The following SLC8A2 variants were observed in gnomAD, a reference collection of about 807,000 sequenced individuals.
The protein encoded by SLC8A2 is solute carrier family 8 member A2.
In SLC8A2, 14 loss-of-function variants were observed where a neutral mutation model predicts 70.2. That is an observed-to-expected ratio of 0.20 (90% CI 0.13 to 0.31). The LOEUF (loss-of-function observed/expected upper bound fraction) is 0.31, where lower values mean the gene tolerates loss of function less well. SLC8A2 is among the 10% of genes least tolerant of loss of function. The pLI is 1.00. For synonymous variants in SLC8A2, 575 were observed against 594.3 expected, an observed-to-expected ratio of 0.97 and a Z score of 0.47; for missense variants, 779 against 1,320.1, an observed-to-expected ratio of 0.59 and a Z score of 6.35.
rs201273941 is a variant in SLC8A2, at chr19:47,466,023, C to T, written c.381G>A (p.Thr127=). The T allele has an allele frequency of 1.4e-5, 22 of 1,614,108 alleles. No homozygotes were observed. In the Admixed American group the frequency reaches 1.7e-4, roughly 12 times the overall value. ...SVGTVRIWNE[T]VSNLTLMALG... is the part of the protein sequence containing the mutation. Reference sequence around the variant, plus strand: ...GGGCCATGAGCGTGAGGTTGGACACCGTCTCATTCCAGATGCGAACGGTGC... The same window carrying T: ...GGGCCATGAGCGTGAGGTTGGACACTGTCTCATTCCAGATGCGAACGGTGC... The change falls in exon 2 of 10, where the codon ACG becomes ACA. Residue 127 remains threonine, a synonymous_variant. Coordinates refer to ENST00000236877, the MANE Select transcript of SLC8A2 (RefSeq NM_015063.3). The surrounding 1 kb of genome is among the most constrained non-coding windows in gnomAD (Gnocchi z 6.9).
At chr19:47,470,734 G>A (rs891829564) in intron 1 of SLC8A2, among the ~76,000 whole-genome samples, 21 of 152,226 alleles carry the variant, frequency 1.4e-4, no homozygotes, top group Admixed American at 1.4e-3. Flanking sequence ...GACTGGGGAG[G>A]TTAGATTGAA....
At chr19:47,441,090 G>C (rs1967093891) in intron 6 of SLC8A2, 79 bp downstream of exon 6, 2 of 1,383,148 alleles carry the variant, frequency 1.4e-6, no homozygotes, top group South Asian at 2.3e-5. Context: ...TGGAAGAGTA[G>C]CTTTGGGGCT....
At chr19:47,441,956 G>A (rs1431056265) in intron 4 of SLC8A2, among the ~76,000 whole-genome samples, 1 of 152,070 alleles carries the variant, frequency 6.6e-6, no homozygotes, top group Non-Finnish European at 1.5e-5. Context: ...ACAAAAATTA[G>A]CTGGGTGTGG....
Position 47,429,788 on chromosome 19 carries a change from CCTGGGGAGGGGA to C in SLC8A2, c.*289_*300del, listed in dbSNP as rs1966926340. ...CCAGGATGGTTACTGGGGGTGGTTC[CCTGGGGAGGGGA>C]CTGGGGTGGAAATTTCCCCAGGGAT... On this transcript the variant is annotated 3_prime_UTR_variant, in exon 10 of 10. Coordinates refer to ENST00000236877, the MANE Select transcript of SLC8A2 (RefSeq NM_015063.3). 1.0e-5 allele frequency: 5 copies of C among 483,948 alleles called. No individual in the cohort carries two copies. In the South Asian group the frequency reaches 1.3e-4, roughly 13 times the overall value. The allele number at this position is 483,948 out of a possible 1,614,324, so 30.0% of individuals were successfully genotyped here.
rs1027657862 is a variant in SLC8A2, at chr19:47,432,610, T to C, written c.2111-165A>G. 1.6e-6 allele frequency: 1 copy of C among 606,548 alleles called. No individual in the cohort carries two copies. Among genetic ancestry groups the C allele is most frequent in the Non-Finnish European group, 2.7e-6 (1 of 366,886 alleles). The allele number at this position is 606,548 out of a possible 1,614,324, so 37.6% of individuals were successfully genotyped here. On this transcript the variant is annotated intron_variant, in intron 8 of 9. Transcript: ENST00000236877. This position sits in a 1 kb window ranked among gnomAD's most constrained non-coding sequence, Gnocchi z 6.2. The stretch of plus-strand genomic sequence containing the variant: ...AAGTCAACTGCTAAAAACAGTTACT[T>C]TCCCAGAATCCCTTGAAGCTAGGAG...
rs1252782666 is a variant in SLC8A2, at chr19:47,467,204, A to G, written c.-16-785T>C. ...TAGAGCACTGAAAAGGGAGTGAACT[A>G]TTTGCTGCTGCACCCAGCACATGGA... On this transcript the variant is annotated intron_variant, in intron 1 of 9. Coordinates refer to ENST00000236877, the MANE Select transcript of SLC8A2 (RefSeq NM_015063.3). Among the ~76,000 whole-genome samples, 3 of 152,220 alleles carry G rather than the reference A, an allele frequency of 2.0e-5. No homozygotes were observed. The East Asian group carries it at 5.8e-4, about 29-fold the overall frequency.
Position 47,430,254 on chromosome 19 carries a change from G to A in SLC8A2, c.2601C>T (p.Phe867=). 6.2e-7 allele frequency: 1 copy of A among 1,612,272 alleles called. No individual in the cohort carries two copies. The highest frequency in any genetic ancestry group is 8.5e-7 in the Non-Finnish European group (1 of 1,179,200). The change falls in exon 10 of 10, where the codon TTC becomes TTT. Residue 867 remains phenylalanine, a synonymous_variant. Transcript: ENST00000236877. The surrounding 1 kb of genome is among the most constrained non-coding windows in gnomAD (Gnocchi z 5.9). ...FSVTLFTVFA[F]VGIAVLLYRR... is the part of the protein sequence containing the mutation. ...GGTACAGCAGCACGGCAATGCCCAC[G>A]AAGGCGAAGACGGTGAAGAGCGTGA...
chr19:47,457,754 CTT>C (rs918505174), intron 2 of SLC8A2, among the ~76,000 whole-genome samples, 160 bp from the exon 3 acceptor site: 5 of 141,084 alleles, frequency 3.5e-5, no homozygotes, highest in African/African-American at 1.3e-4. Context: ...TCTTTTCTTT[CTT>C]TCTTTCTTTC....
At chr19:47,462,274 C>G (rs1328636546) in intron 2 of SLC8A2, among the ~76,000 whole-genome samples, 1 of 151,546 alleles carries the variant, frequency 6.6e-6, no homozygotes, top group Non-Finnish European at 1.5e-5. Context: ...TTCTTTCTTT[C>G]TCTTTTTGAG....
rs746815240 is a variant in SLC8A2 at position 47,429,933 on chromosome 19, A to G, written c.*156T>C. 1 of 695,392 alleles carries G rather than the reference A, an allele frequency of 1.4e-6. No homozygotes were observed. The highest frequency in any genetic ancestry group is 1.9e-5 in the South Asian group (1 of 52,488). 43.1% of individuals were successfully genotyped at this position (695,392 alleles called of 1,614,324 possible). On this transcript the variant is annotated 3_prime_UTR_variant, in exon 10 of 10. Coordinates refer to ENST00000236877, the MANE Select transcript of SLC8A2 (RefSeq NM_015063.3). ...GGCTGAGCTACTGGGGACACAGAAC[A>G]GGGCAATCAAAGCCAGGGGAGGGGG...
At position 47,457,809 on chromosome 19, in the gene SLC8A2, T is replaced by C. The variant is rs66867937; in HGVS notation, c.676-215A>G. Among the ~76,000 whole-genome samples the C allele has an allele frequency of 4.0e-3, 494 of 123,392 alleles. 4 individuals are homozygous for C. The highest frequency in any genetic ancestry group is 6.9e-3 in the East Asian group (31 of 4,486). 80.9% of individuals were successfully genotyped at this position (123,392 alleles called of 152,430 possible). On this transcript the variant is annotated intron_variant, in intron 2 of 9. Transcript: ENST00000236877. ...TTCTTTTCTTTTCTCTTCCTTCCTT[T>C]CTTCCTTCTTTCTCTCTCTCTTTCT... is the stretch of plus-strand genomic sequence containing the variant.
intron 8 of SLC8A2, among the ~76,000 whole-genome samples, chr19:47,434,774 T>A (rs1967005382): frequency 6.6e-6 from 1 of 152,174 alleles, no homozygotes; most frequent in Non-Finnish European, 1.5e-5. Flanking sequence ...CCAGCAGCTC[T>A]GTGCTCGCAC....
At chr19:47,439,485 A>T (rs1258082865) in intron 6 of SLC8A2, among the ~76,000 whole-genome samples, 1 of 152,000 alleles carries the variant, frequency 6.6e-6, no homozygotes, top group Non-Finnish European at 1.5e-5. Context: ...ATGAGCCGAG[A>T]TCGCACCATT....
At position 47,447,448 on chromosome 19, in the gene SLC8A2, T is replaced by G. The variant is rs910538245; in HGVS notation, c.1763+361A>C. Reference sequence around the variant, plus strand: ...CCTCTTCTCACCTGTCCGGCCACCCTTCTAGGCCTCGCCTCTTCATTTCAC... The same window carrying G: ...CCTCTTCTCACCTGTCCGGCCACCCGTCTAGGCCTCGCCTCTTCATTTCAC... On this transcript the variant is annotated intron_variant, in intron 4 of 9. Transcript: ENST00000236877. The surrounding 1 kb of genome is among the most constrained non-coding windows in gnomAD (Gnocchi z 5.1). The G allele has an allele frequency of 3.2e-6, 1 of 315,164 alleles. No homozygotes were observed. The highest frequency in any genetic ancestry group is 5.9e-6 in the Non-Finnish European group (1 of 168,550). The allele number at this position is 315,164 out of a possible 1,614,324, so 19.5% of individuals were successfully genotyped here. A position where few individuals can be genotyped will look rare whatever the true frequency, so the allele number is the denominator to read the frequency against.
intron 6 of SLC8A2, among the ~76,000 whole-genome samples, chr19:47,439,164 T>C (rs1967067574): frequency 6.6e-6 from 1 of 152,054 alleles, no homozygotes; most frequent in Non-Finnish European, 1.5e-5. Flanking sequence ...CCTGGCACAG[T>C]GGAGTCACAA....
chr19:47,459,661 CTG>C lies in SLC8A2; in HGVS notation c.676-2069_676-2068del, dbSNP rs753476666. Reference sequence around the variant, plus strand: ...TGTGTCCATCTGTGTGTGTGTCCTTCTGTGTGTGTGCATGTGTGTGTGTGCAT... The same window carrying C: ...TGTGTCCATCTGTGTGTGTGTCCTTCTGTGTGTGCATGTGTGTGTGTGCAT... On this transcript the variant is annotated intron_variant, in intron 2 of 9. Transcript: ENST00000236877. Among the ~76,000 whole-genome samples the C allele has an allele frequency of 6.7e-5, 10 of 149,632 alleles. No homozygotes were observed. In the East Asian group the frequency reaches 1.2e-3, roughly 18 times the overall value.
intron 4 of SLC8A2, among the ~76,000 whole-genome samples, chr19:47,446,584 T>G (rs1184199210): frequency 6.6e-6 from 1 of 152,198 alleles, no homozygotes; most frequent in Non-Finnish European, 1.5e-5. Context: ...CACACCACCA[T>G]GCCCAGCTAA....
At chr19:47,456,848 G>A in intron 3 of SLC8A2, 82 bp downstream of exon 3, 1 of 1,346,706 alleles carries the variant, frequency 7.4e-7, no homozygotes, top group South Asian at 1.5e-5. Context: ...CAGTTGGGAG[G>A]CGAAGAGCCT....
rs369664888 is a variant in SLC8A2 at position 47,460,195 on chromosome 19, G to T, written c.676-2601C>A. On this transcript the variant is annotated intron_variant, in intron 2 of 9. Transcript: ENST00000236877. ...ATGGACAGGCTGTGTCTCTAACAGA[G>T]ACACACATCTGGCTCTTCTGCCTCA... Among the ~76,000 whole-genome samples, 51 of 152,302 alleles carry T rather than the reference G, an allele frequency of 3.3e-4. No individual in the cohort carries two copies. The East Asian group carries it at 9.6e-3, about 29-fold the overall frequency.
Sources: allele counts gnomAD v4.1 joint callset (sites outside exome capture counted in the v4.1 genomes callset), GRCh38; gene constraint gnomAD v4.1.1; non-coding constraint Gnocchi (gnomAD v3.1); transcripts MANE v1.5; gene names NCBI Gene and HGNC (gene_info 2026-07-23, HGNC 2026-07-21).